The following POMT1 variants were observed in gnomAD, a reference collection of about 807,000 sequenced individuals.
POMT1 encodes protein O-mannosyltransferase 1, also known as protein O-mannosyl-transferase 1.
Under a neutral mutation model 101.6 loss-of-function variants are expected in POMT1, and 85 were observed. The observed-to-expected ratio is 0.84, with a 90% CI of 0.70 to 1.00. POMT1 has a LOEUF of 1.00. Among genes scored for constraint, POMT1 ranks in the 50% least tolerant of loss-of-function variants. The pLI, the probability that POMT1 is intolerant of heterozygous loss-of-function variation, is 0.00. For missense variants in POMT1, 857 were observed against 930.4 expected (o/e 0.92, Z 1.03); for synonymous variants, 371 against 383.0 (o/e 0.97, Z 0.37).
chr9:131,522,944 G>C lies in POMT1; in HGVS notation c.2016G>C (p.Gln672His), dbSNP rs779577551. 4 of 1,593,370 alleles carry C rather than the reference G, an allele frequency of 2.5e-6. No individual in the cohort carries two copies. The highest frequency in any genetic ancestry group is 3.5e-5 in the Admixed American group (2 of 57,742). ...CTGACCTCTGCAGGTCCCAGCTCCA[G>C]AGGAGCATCTTCAGCGCCCTGGTGG... ...ISDHLCRSQL[Q>H]RSIFSALVVA... The change falls in exon 20 of 20, where the codon CAG becomes CAC. Residue 672 changes from glutamine (Q) to histidine (H), a missense_variant. Coordinates refer to ENST00000402686, the MANE Select transcript of POMT1 (RefSeq NM_001077365.2). The surrounding 1 kb of genome is among the most constrained non-coding windows in gnomAD (Gnocchi z 5.5).
chr9:131,520,714 CCCGAG>C (rs1264671856), intron 17 of POMT1, among the ~76,000 whole-genome samples: 2 of 152,234 alleles, frequency 1.3e-5, no homozygotes, highest in Non-Finnish European at 2.9e-5. Context: ...GCCGCCCCAC[CCCGAG>C]CTCTGAGCGC....
At chr9:131,520,016 C>A in intron 16 of POMT1, 64 bp from the exon 17 acceptor site, 1 of 1,364,398 alleles carries the variant, frequency 7.3e-7, no homozygotes, top group Non-Finnish European at 1.0e-6. Flanking sequence ...CTCCTTTGAC[C>A]AAATCCACGC....
chr9:131,510,340 C>G lies in POMT1; in HGVS notation c.780C>G (p.Tyr260Ter), dbSNP rs776755041. ...TCGTCCTGTACTTACTGTTCTTCTA[C>G]GTCCACTTGATTCTAGTCTTCCGCT... ...IPVVLYLLFF[Y>*]VHLILVFRSG... The change falls in exon 9 of 20, where the codon TAC becomes TAG. Residue 260 changes from tyrosine (Y) to a stop codon, truncating the protein, a stop_gained. Transcript: ENST00000402686. LOFTEE classifies it high-confidence loss of function. The G allele has an allele frequency of 6.2e-7, 1 of 1,614,194 alleles. No homozygotes were observed. Among genetic ancestry groups the G allele is most frequent in the East Asian group, 2.2e-5 (1 of 44,890 alleles).
At chr9:131,513,424 G>GCC in intron 12 of POMT1, 93 bp downstream of exon 12, 1 of 1,152,324 alleles carries the variant, frequency 8.7e-7, no homozygotes, top group South Asian at 1.3e-5. Context: ...TTGGGCCGCT[G>GCC]CCCCCTGTCT....
Position 131,511,464 on chromosome 9 carries a change from T to C in POMT1, c.983T>C (p.Met328Thr), listed in dbSNP as rs1462453953. Residue 328 changes from methionine (M) to threonine (T), a missense_variant, in exon 10 of 20, where the codon ATG becomes ACG. Transcript: ENST00000402686. ...CATTCCCACCAGGACACCTACCCCA[T>C]GATGTAAGGTGATGGTTTTACTTTG... ...WLHSHQDTYP[M>T]IYENGRGSSH... 1.2e-6 allele frequency: 2 copies of C among 1,613,972 alleles called. No homozygotes were observed. Among genetic ancestry groups the C allele is most frequent in the African/African-American group, 1.3e-5 (1 of 74,928 alleles).
Position 131,511,473 on chromosome 9 carries a change from G to A in POMT1, c.986+6G>A. 1 of 1,614,148 alleles carries A rather than the reference G, an allele frequency of 6.2e-7. No homozygotes were observed. The highest frequency in any genetic ancestry group is 1.1e-5 in the South Asian group (1 of 91,084). The stretch of plus-strand genomic sequence containing the variant: ...CAGGACACCTACCCCATGATGTAAG[G>A]TGATGGTTTTACTTTGAAGATAATT... On this transcript the variant is annotated splice_donor_region_variant and intron_variant, in intron 10 of 19. Transcript: ENST00000402686.
chr9:131,518,739 G>A, intron 14 of POMT1, 98 bp from the exon 15 acceptor site: 2 of 1,592,380 alleles, frequency 1.3e-6, no homozygotes, highest in Non-Finnish European at 8.6e-7. Flanking sequence ...GGCACCTGCT[G>A]ACAGCGTGAC....
chr9:131,520,090 T>G lies in POMT1; in HGVS notation c.1595T>G (p.Leu532Arg). Residue 532 changes from leucine (L) to arginine (R), a missense_variant, in exon 17 of 20, where the codon CTG becomes CGG. Leu to Arg is a moderately radical substitution (Grantham distance 102). Coordinates refer to ENST00000402686, the MANE Select transcript of POMT1 (RefSeq NM_001077365.2). The part of the protein sequence containing the change: ...ARFSELQWRM[L>R]ALRSDDSEHK... Reference sequence around the variant, plus strand: ...TCTGCTTTGTTCCAGTGGAGGATGCTGGCGCTGAGAAGTGATGACTCGGAA... The same window carrying G: ...TCTGCTTTGTTCCAGTGGAGGATGCGGGCGCTGAGAAGTGATGACTCGGAA... The G allele has an allele frequency of 6.2e-7, 1 of 1,613,690 alleles. No individual in the cohort carries two copies. Among genetic ancestry groups the G allele is most frequent in the Non-Finnish European group, 8.5e-7 (1 of 1,179,958 alleles).
At chr9:131,518,393 T>C (rs200054303) in intron 13 of POMT1, 52 bp from the exon 14 acceptor site, 8 of 1,471,750 alleles carry the variant, frequency 5.4e-6, no homozygotes, top group Non-Finnish European at 6.7e-6. Context: ...TATTTTTACA[T>C]TGAAGGAAAT....
intron 13 of POMT1, among the ~76,000 whole-genome samples, chr9:131,517,148 G>A (rs1203010517): frequency 1.3e-5 from 2 of 152,008 alleles, no homozygotes; most frequent in Non-Finnish European, 2.9e-5. Context: ...TTCTGCCTAC[G>A]CAGGCTCAGC....
At chr9:131,518,305 C>T in intron 13 of POMT1, 140 bp from the exon 14 acceptor site, 1 of 834,212 alleles carries the variant, frequency 1.2e-6, no homozygotes, top group Non-Finnish European at 2.1e-6. Flanking sequence ...AGTACCAGCC[C>T]CTTATAGCTT....
chr9:131,507,370 T>C lies in POMT1; in HGVS notation c.283T>C (p.Tyr95His). 1 of 1,614,170 alleles carries C rather than the reference T, an allele frequency of 6.2e-7. No individual in the cohort carries two copies. Among genetic ancestry groups the C allele is most frequent in the Non-Finnish European group, 8.5e-7 (1 of 1,180,026 alleles). The change falls in exon 5 of 20, where the codon TAC becomes CAC. Residue 95 changes from tyrosine (Y) to histidine (H), a missense_variant and splice_region_variant. By Grantham distance (83) the Tyr-to-His change is moderately conservative. Coordinates refer to ENST00000402686, the MANE Select transcript of POMT1 (RefSeq NM_001077365.2). ...CTGCAGTGTGGTTGCTTTTCCAGAA[T>C]ACAGTAGCAACGTGCCTGTGTGGTC... is the stretch of plus-strand genomic sequence containing the variant. ...NFLWNRIGAE[Y>H]SSNVPVWSLR...
intron 13 of POMT1, among the ~76,000 whole-genome samples, chr9:131,516,360 C>G (rs933006224): frequency 3.3e-5 from 5 of 150,982 alleles, no homozygotes; most frequent in Non-Finnish European, 4.4e-5. Flanking sequence ...CTTCCTCACA[C>G]GGAGCACTTC....
Position 131,509,847 on chromosome 9 carries a change from C to T in POMT1, c.605+39C>T, listed in dbSNP as rs371663762. On this transcript the variant is annotated intron_variant, in intron 7 of 19. Transcript: ENST00000402686. The stretch of plus-strand genomic sequence containing the variant: ...TCTGGTCTTGGGCAGTGTCCTCCTC[C>T]ATCTCCTTATGTTTTCCTGTCTCAT... 5 of 1,614,126 alleles carry T rather than the reference C, an allele frequency of 3.1e-6. No individual in the cohort carries two copies. The African/African-American group carries it at 6.7e-5, about 22-fold the overall frequency.
intron 12 of POMT1, 115 bp downstream of exon 12, chr9:131,513,446 G>A: frequency 1.1e-6 from 1 of 942,672 alleles, no homozygotes; most frequent in Non-Finnish European, 1.7e-6. Context: ...CCCATCATCT[G>A]CATGTGTAGC....
At position 131,512,063 on chromosome 9, in the gene POMT1, T is replaced by TCCCA; in HGVS notation, c.1012_1015dup (p.Gln339ProfsTer15). On this transcript the variant is annotated frameshift_variant, in exon 11 of 20. Transcript: ENST00000402686. LOFTEE classifies it high-confidence loss of function. ...CAGATATGAGAACGGCCGAGGCAGC[T>TCCCA]CCCACCAGCAACAGGTGACCTGTTA... The TCCCA allele has an allele frequency of 6.2e-7, 1 of 1,614,032 alleles. No homozygotes were observed. Among genetic ancestry groups the TCCCA allele is most frequent in the Non-Finnish European group, 8.5e-7 (1 of 1,180,020 alleles).
At position 131,522,060 on chromosome 9, in the gene POMT1, C is replaced by G; in HGVS notation, c.1839C>G (p.Arg613=). 1 of 1,614,130 alleles carries G rather than the reference C, an allele frequency of 6.2e-7. No homozygotes were observed. Among genetic ancestry groups the G allele is most frequent in the Non-Finnish European group, 8.5e-7 (1 of 1,180,032 alleles). Residue 613 remains arginine (R), a synonymous_variant, in exon 19 of 20, where the codon CGC becomes CGG. Coordinates refer to ENST00000402686, the MANE Select transcript of POMT1 (RefSeq NM_001077365.2). This position sits in a 1 kb window ranked among gnomAD's most constrained non-coding sequence, Gnocchi z 5.5. ...CCTTTCCTATAGATGCCTGGCTGCG[C>G]TGGGTGCTGGCTGGGGCGCTGTGTG... The part of the protein sequence containing the change: ...VHDLPQDAWL[R]WVLAGALCAG...
Position 131,513,256 on chromosome 9 carries a change from G to T in POMT1, c.1100G>T (p.Ser367Ile), listed in dbSNP as rs1231366427. 1.9e-6 allele frequency: 3 copies of T among 1,613,058 alleles called. No homozygotes were observed. Among genetic ancestry groups the T allele is most frequent in the Admixed American group, 3.3e-5 (2 of 60,020 alleles). The change falls in exon 12 of 20, where the codon AGC becomes ATC. Residue 367 changes from serine (S) to isoleucine (I), a missense_variant. Coordinates refer to ENST00000402686, the MANE Select transcript of POMT1 (RefSeq NM_001077365.2). ...KDPRRHQLVV[S>I]SPPRPVRHGD... The stretch of plus-strand genomic sequence containing the variant: ...TCTTCCAGGCACCAGCTGGTGGTGA[G>T]CAGCCCTCCGAGACCTGTGAGGCAC...
intron 18 of POMT1, among the ~76,000 whole-genome samples, 156 bp downstream of exon 18, chr9:131,521,628 GC>G (rs570891977): frequency 1.7e-3 from 264 of 152,190 alleles, no homozygotes; most frequent in Admixed American, 3.7e-3. Flanking sequence ...AGCATTCACC[GC>G]CTCAAGTGAC....
Sources: gnomAD v4.1 joint callset for allele counts (sites outside exome capture counted in the v4.1 genomes callset) on GRCh38, gnomAD v4.1.1 for gene constraint, Gnocchi (gnomAD v3.1) non-coding constraint, MANE v1.5 for transcripts, NCBI Gene and HGNC (gene_info 2026-07-23, HGNC 2026-07-21) for gene names.